Variants in EXT1 observed in about 807,000 individuals in gnomAD.
The protein encoded by EXT1 is exostosin-1.
In EXT1, 20 loss-of-function variants were observed where a neutral mutation model predicts 82.5. The observed-to-expected ratio is 0.24, with a 90% CI of 0.17 to 0.35. EXT1 has a LOEUF of 0.35. EXT1 is among the 10% of genes least tolerant of loss of function. The pLI, the probability that EXT1 is intolerant of heterozygous loss-of-function variation, is 1.00. For synonymous variants in EXT1, 348 were observed against 350.8 expected (o/e 0.99, Z 0.09); for missense variants, 757 against 936.5 (o/e 0.81, Z 2.50).
intron 1 of EXT1, among the ~76,000 whole-genome samples, chr8:117,935,382 A>T: frequency 6.8e-6 from 1 of 147,044 alleles, no homozygotes; most frequent in Non-Finnish European, 1.5e-5. Flanking sequence ...CTGCAGTGAC[A>T]TCATCATGAT....
chr8:117,819,246 T>C (rs1332456410), intron 6 of EXT1, among the ~76,000 whole-genome samples: 2 of 152,200 alleles, frequency 1.3e-5, no homozygotes, highest in South Asian at 2.1e-4. Context: ...TTAGTCATAG[T>C]TGCTATGAAA....
At chr8:117,987,150 T>C (rs1182640929) in intron 1 of EXT1, among the ~76,000 whole-genome samples, 2 of 152,158 alleles carry the variant, frequency 1.3e-5, no homozygotes, top group Non-Finnish European at 2.9e-5. Flanking sequence ...GCAAATTCCT[T>C]ATGGGAGTTG....
chr8:118,040,659 A>T (rs1443062277), intron 1 of EXT1, among the ~76,000 whole-genome samples: 1 of 152,200 alleles, frequency 6.6e-6, no homozygotes, highest in Admixed American at 6.5e-5. Flanking sequence ...TGCAGCTTCT[A>T]TTAAAACACT....
intron 1 of EXT1, among the ~76,000 whole-genome samples, chr8:118,082,131 A>C (rs1406805744): frequency 6.6e-6 from 1 of 152,212 alleles, no homozygotes; most frequent in African/African-American, 2.4e-5. Flanking sequence ...ATTACAGAGA[A>C]CTGATGGCAA....
intron 1 of EXT1, among the ~76,000 whole-genome samples, chr8:117,942,533 G>C (rs1304907007): frequency 1.3e-5 from 2 of 152,088 alleles, no homozygotes; most frequent in Admixed American, 1.3e-4. Flanking sequence ...CCAACATGGA[G>C]AAAGCCCATC....
intron 1 of EXT1, among the ~76,000 whole-genome samples, chr8:117,973,040 AC>A (rs1814973618): frequency 6.6e-6 from 1 of 152,192 alleles, no homozygotes; most frequent in African/African-American, 2.4e-5. Flanking sequence ...ACACATGTTG[AC>A]CTTACCTTAA....
rs17503572 is a variant in EXT1, at chr8:117,846,344, G to A, written c.963-9143C>T. ...GCTGGTCTTGAACTCCTGGCCTCAA[G>A]TGATACACCTGCCTCGGCCTCCCAA... On this transcript the variant is annotated intron_variant, in intron 1 of 10. Coordinates refer to ENST00000378204, the MANE Select transcript of EXT1 (RefSeq NM_000127.3). 5.9e-3 allele frequency among the ~76,000 whole-genome samples: 904 copies of A among 152,222 alleles called. 12 individuals are homozygous for A. The highest frequency in any genetic ancestry group is 0.02 in the African/African-American group (844 of 41,528).
intron 1 of EXT1, among the ~76,000 whole-genome samples, chr8:117,973,800 A>G (rs530488943): frequency 6.9e-5 from 3 of 43,304 alleles, no homozygotes; most frequent in East Asian, 1.0e-3. Flanking sequence ...AAAAGAAAAG[A>G]GAAAGGAAAG....
intron 1 of EXT1, among the ~76,000 whole-genome samples, chr8:118,102,754 T>A (rs1032297450): frequency 1.3e-5 from 2 of 152,244 alleles, no homozygotes; most frequent in Non-Finnish European, 2.9e-5. Context: ...ACACTTATAA[T>A]AGAATTAGGA....
chr8:118,028,427 G>A (rs1444479460), intron 1 of EXT1, among the ~76,000 whole-genome samples: 4 of 152,244 alleles, frequency 2.6e-5, no homozygotes, highest in African/African-American at 9.6e-5. Flanking sequence ...GTTTTTTATA[G>A]AATATAAGAA....
intron 1 of EXT1, among the ~76,000 whole-genome samples, chr8:118,086,767 C>T (rs1433498747): frequency 6.6e-6 from 1 of 152,116 alleles, no homozygotes; most frequent in East Asian, 1.9e-4. Context: ...TTAGAAACCA[C>T]TACTCAAACA....
chr8:117,873,901 C>T (rs1642635743), intron 1 of EXT1, among the ~76,000 whole-genome samples: 1 of 152,096 alleles, frequency 6.6e-6, no homozygotes, highest in Admixed American at 6.5e-5. Flanking sequence ...GTTTAAAATG[C>T]CAACAAAACA....
At chr8:117,939,901 G>T (rs950034242) in intron 1 of EXT1, among the ~76,000 whole-genome samples, 1 of 152,334 alleles carries the variant, frequency 6.6e-6, no homozygotes, top group South Asian at 2.1e-4. Flanking sequence ...ACAGAAGATT[G>T]TTGAGAAAAT....
At chr8:118,012,683 C>A (rs1815926829) in intron 1 of EXT1, among the ~76,000 whole-genome samples, 1 of 152,196 alleles carries the variant, frequency 6.6e-6, no homozygotes, top group African/African-American at 2.4e-5. Context: ...TAAAATGGGG[C>A]TGATAAAAAT....
chr8:117,976,660 G>A (rs976210312), intron 1 of EXT1, among the ~76,000 whole-genome samples: 1 of 152,192 alleles, frequency 6.6e-6, no homozygotes, highest in Non-Finnish European at 1.5e-5. Flanking sequence ...AATTACATGG[G>A]TATAGACATA....
intron 1 of EXT1, among the ~76,000 whole-genome samples, chr8:118,056,354 G>T (rs1816793830): frequency 6.6e-6 from 1 of 152,166 alleles, no homozygotes; most frequent in Non-Finnish European, 1.5e-5. Context: ...AGAACATGCT[G>T]CAGTCTTCTA....
At chr8:118,078,922 CA>C (rs1210062171) in intron 1 of EXT1, among the ~76,000 whole-genome samples, 2 of 152,034 alleles carry the variant, frequency 1.3e-5, no homozygotes, top group Admixed American at 1.3e-4. Flanking sequence ...CTACCATGTG[CA>C]AAAAAAGTGC....
intron 1 of EXT1, among the ~76,000 whole-genome samples, chr8:118,033,277 C>T (rs573628514): frequency 2.2e-3 from 341 of 152,288 alleles, no homozygotes; most frequent in African/African-American, 7.7e-3. Flanking sequence ...TCTTTTGTAA[C>T]ATAAATGTTA....
intron 1 of EXT1, among the ~76,000 whole-genome samples, chr8:117,869,606 G>C (rs1031123544): frequency 5.3e-5 from 8 of 151,734 alleles, no homozygotes; most frequent in African/African-American, 1.9e-4. Flanking sequence ...CAGGAACAAA[G>C]TTCATTCTCA....
Sources: allele counts gnomAD v4.1 joint callset (sites outside exome capture counted in the v4.1 genomes callset), GRCh38; gene constraint gnomAD v4.1.1; transcripts MANE v1.5; gene names NCBI Gene and HGNC (gene_info 2026-07-23, HGNC 2026-07-21).